DLGAP2: variants seen among roughly 807,000 people sequenced by gnomAD.
The protein encoded by DLGAP2 is DLG associated protein 2, also known as disks large-associated protein 2.
In DLGAP2, 26 loss-of-function variants were observed where a neutral mutation model predicts 100.3. The observed-to-expected ratio is 0.26, with a 90% CI of 0.19 to 0.36. The LOEUF is 0.36. DLGAP2 is among the 10% of genes least tolerant of loss of function. DLGAP2 has a pLI of 1.00. For missense variants in DLGAP2, 1,858 were observed against 1,453.2 expected, an observed-to-expected ratio of 1.28 and a Z score of -4.53; for synonymous variants, 886 against 630.1, an observed-to-expected ratio of 1.41 and a Z score of -6.08.
chr8:1,075,165 C>A (rs1272169107), intron 2 of DLGAP2, among the ~76,000 whole-genome samples: 1 of 152,186 alleles, frequency 6.6e-6, no homozygotes, highest in Non-Finnish European at 1.5e-5. Flanking sequence ...GACAAACAGC[C>A]CCTCCTTTTC....
chr8:1,421,856 C>G (rs944866159), intron 3 of DLGAP2, among the ~76,000 whole-genome samples: 9 of 152,010 alleles, frequency 5.9e-5, no homozygotes, highest in Non-Finnish European at 1.2e-4. Flanking sequence ...CCCAGCTACT[C>G]AAGAGGCTCT....
At chr8:1,297,386 A>C (rs1471474312) in intron 3 of DLGAP2, among the ~76,000 whole-genome samples, 2 of 152,230 alleles carry the variant, frequency 1.3e-5, no homozygotes, top group African/African-American at 4.8e-5. Flanking sequence ...GAGAGCTTTA[A>C]ATCATGTATT....
At chr8:1,664,830 G>A (rs569359148) in intron 8 of DLGAP2, among the ~76,000 whole-genome samples, 23 of 152,300 alleles carry the variant, frequency 1.5e-4, no homozygotes, top group African/African-American at 5.1e-4. Flanking sequence ...CCACGTTTTC[G>A]TTTTAGTGGT....
chr8:1,618,613 A>G (rs1365995041), intron 6 of DLGAP2, among the ~76,000 whole-genome samples: 2 of 152,178 alleles, frequency 1.3e-5, no homozygotes, highest in South Asian at 4.1e-4. Flanking sequence ...AAAAAAGAAC[A>G]CAGTTGGAGG....
At chr8:1,431,586 C>A (rs1438175026) in intron 3 of DLGAP2, among the ~76,000 whole-genome samples, 1 of 152,220 alleles carries the variant, frequency 6.6e-6, no homozygotes, top group Non-Finnish European at 1.5e-5. Context: ...GCAGCACTGG[C>A]CACATCCACC....
chr8:1,316,824 G>C (rs1243515427), intron 3 of DLGAP2, among the ~76,000 whole-genome samples: 1 of 145,644 alleles, frequency 6.9e-6, no homozygotes, highest in African/African-American at 2.6e-5. Flanking sequence ...TTTAAAAATA[G>C]AGCCTGTGCG....
chr8:1,514,418 T>G (rs549342359), intron 4 of DLGAP2, among the ~76,000 whole-genome samples: 69 of 152,368 alleles, frequency 4.5e-4, no homozygotes, highest in African/African-American at 1.6e-3. Flanking sequence ...GCTCCACTTT[T>G]AAAACTTAAT....
intron 2 of DLGAP2, among the ~76,000 whole-genome samples, chr8:1,037,878 G>C (rs961282619): frequency 2.0e-5 from 3 of 152,196 alleles, no homozygotes; most frequent in Non-Finnish European, 4.4e-5. Flanking sequence ...CCACAATTCT[G>C]ATCCAGCAGG....
At chr8:881,496 C>CTTTTTT (rs533557661) in intron 1 of DLGAP2, among the ~76,000 whole-genome samples, 1 of 85,630 alleles carries the variant, frequency 1.2e-5, no homozygotes. Context: ...TTTCATCTCT[C>CTTTTTT]TTTTTTTTTT....
intron 6 of DLGAP2, among the ~76,000 whole-genome samples, chr8:1,613,510 T>G (rs1322411266): frequency 1.3e-5 from 2 of 148,688 alleles, no homozygotes; most frequent in African/African-American, 5.0e-5. Flanking sequence ...ACCTGCACAA[T>G]GTGCACATGT....
At chr8:793,833 T>G (rs958109641) in intron 1 of DLGAP2, among the ~76,000 whole-genome samples, 1 of 152,236 alleles carries the variant, frequency 6.6e-6, no homozygotes, top group South Asian at 2.1e-4. Flanking sequence ...AAGGACAACA[T>G]CTTCCTTGCA....
chr8:1,444,209 C>A (rs1388143870), intron 3 of DLGAP2, among the ~76,000 whole-genome samples: 1 of 152,146 alleles, frequency 6.6e-6, no homozygotes, highest in African/African-American at 2.4e-5. Context: ...CCTTGGCCTC[C>A]CACAGCTCTG....
chr8:806,192 C>G (rs1394296784), intron 1 of DLGAP2, among the ~76,000 whole-genome samples: 1 of 152,198 alleles, frequency 6.6e-6, no homozygotes, highest in Non-Finnish European at 1.5e-5. Context: ...TTGCAAGTGA[C>G]AGATACTCAG....
intron 2 of DLGAP2, among the ~76,000 whole-genome samples, chr8:953,746 G>A (rs971398986): frequency 2.0e-5 from 3 of 152,098 alleles, no homozygotes; most frequent in Non-Finnish European, 4.4e-5. Context: ...AGTGCCGAGT[G>A]GAGCTGACGC....
chr8:885,196 T>C (rs1015166520), intron 1 of DLGAP2, among the ~76,000 whole-genome samples: 1 of 152,184 alleles, frequency 6.6e-6, no homozygotes, highest in Admixed American at 6.5e-5. Flanking sequence ...GGGAATAGCA[T>C]TGAATCCATA....
chr8:1,557,365 G>A (rs758192036), intron 5 of DLGAP2, among the ~76,000 whole-genome samples: 1 of 152,160 alleles, frequency 6.6e-6, no homozygotes, highest in Non-Finnish European at 1.5e-5. Context: ...CCCGGAAAGA[G>A]CCCCTGGTGA....
chr8:1,636,768 A>T (rs1797776870), intron 8 of DLGAP2, among the ~76,000 whole-genome samples: 1 of 152,246 alleles, frequency 6.6e-6, no homozygotes, highest in Non-Finnish European at 1.5e-5. Context: ...TGTGTAACTG[A>T]TATGCAAGTT....
At chr8:1,175,222 A>C (rs1797227866) in intron 2 of DLGAP2, among the ~76,000 whole-genome samples, 1 of 151,542 alleles carries the variant, frequency 6.6e-6, no homozygotes, top group South Asian at 2.1e-4. Context: ...TGAGCACAGA[A>C]ATGTCTTCAC....
intron 3 of DLGAP2, among the ~76,000 whole-genome samples, chr8:1,275,316 A>T (rs755035161): frequency 5.1e-4 from 78 of 152,044 alleles, no homozygotes; most frequent in Non-Finnish European, 8.2e-4. Flanking sequence ...CACAGAGCAG[A>T]TAGAACCAGG....
Sources: gnomAD v4.1 joint callset for allele counts (sites outside exome capture counted in the v4.1 genomes callset) on GRCh38, gnomAD v4.1.1 for gene constraint, MANE v1.5 for transcripts, NCBI Gene and HGNC (gene_info 2026-07-23, HGNC 2026-07-21) for gene names.